CNBP: variants seen among roughly 807,000 people sequenced by gnomAD.
CNBP encodes the protein cellular nucleic acid-binding protein.
Under a neutral mutation model 21.2 loss-of-function variants are expected in CNBP, and 6 were observed. The ratio of observed to expected loss-of-function variants is 0.28; its 90% CI spans 0.16 to 0.56. The LOEUF is 0.56. Among genes scored for constraint, CNBP ranks in the 20% least tolerant of loss-of-function variants. The pLI is 0.93. For missense variants in CNBP, 112 were observed against 233.1 expected, an observed-to-expected ratio of 0.48 and a Z score of 3.38; for synonymous variants, 61 against 74.9, an observed-to-expected ratio of 0.81 and a Z score of 0.96.
At chr3:129,170,925 C>T (rs1281515940) in intron 4 of CNBP, among the ~76,000 whole-genome samples, 154 bp downstream of exon 4, 2 of 151,750 alleles carry the variant, frequency 1.3e-5, no homozygotes, top group African/African-American at 4.9e-5. Flanking sequence ...GAATTATATA[C>T]AGATAGACTG....
rs549305009 is a variant in CNBP, at chr3:129,176,229, G to T, written c.-14-4458C>A. 4.6e-5 allele frequency among the ~76,000 whole-genome samples: 7 copies of T among 152,258 alleles called. No individual in the cohort carries two copies. In the East Asian group the frequency reaches 1.4e-3, roughly 29 times the overall value. On this transcript the variant is annotated intron_variant, in intron 1 of 4. Transcript: ENST00000422453. ...GACTGCTCCTGGCTGGAATTTCACTGCACTGTCCTGGTCTCCCCTGCTCCT... is the reference window on the plus strand; with the variant it reads ...GACTGCTCCTGGCTGGAATTTCACTTCACTGTCCTGGTCTCCCCTGCTCCT...
intron 1 of CNBP, among the ~76,000 whole-genome samples, chr3:129,173,573 TC>T (rs935095187): frequency 6.6e-6 from 1 of 152,202 alleles, no homozygotes; most frequent in African/African-American, 2.4e-5. Flanking sequence ...TAATTGGTTA[TC>T]ATTTTAAAAT....
intron 1 of CNBP, among the ~76,000 whole-genome samples, chr3:129,181,239 C>CA (rs10587328): frequency 1.9e-4 from 10 of 53,176 alleles, no homozygotes; most frequent in African/African-American, 6.7e-4. Context: ...GACTCTGTCT[C>CA]AAAAAAAAAA....
rs77012344 is a variant in CNBP at position 129,171,040 on chromosome 3, T to C, written c.416+39A>G. 5.3e-5 allele frequency: 84 copies of C among 1,570,974 alleles called. No individual in the cohort carries two copies. In the East Asian group the frequency reaches 1.9e-3, roughly 35 times the overall value. On this transcript the variant is annotated intron_variant, in intron 4 of 4. Coordinates refer to ENST00000422453, the MANE Select transcript of CNBP (RefSeq NM_003418.5). Reference sequence around the variant, plus strand: ...GCTAATTCATCTCTGGAAGAATCTCTGCAATGAGTTTTCTTCTAACAACAT... The same window carrying C: ...GCTAATTCATCTCTGGAAGAATCTCCGCAATGAGTTTTCTTCTAACAACAT...
Position 129,169,233 on chromosome 3 carries a change from G to A in CNBP, c.*1220C>T, listed in dbSNP as rs1937526230. ...TGCTTGAACCCGGGAGGTGGAGGTT[G>A]CAGTGAGCCAAGCCTGCACTCCAGC... On this transcript the variant is annotated 3_prime_UTR_variant, in exon 5 of 5. Coordinates refer to ENST00000422453, the MANE Select transcript of CNBP (RefSeq NM_003418.5). 6.6e-6 allele frequency among the ~76,000 whole-genome samples: 1 copy of A among 152,136 alleles called. No individual in the cohort carries two copies. The highest frequency in any genetic ancestry group is 2.4e-5 in the African/African-American group (1 of 41,430).
intron 1 of CNBP, among the ~76,000 whole-genome samples, chr3:129,179,302 A>G (rs905049258): frequency 2.6e-5 from 4 of 152,142 alleles, no homozygotes; most frequent in African/African-American, 9.7e-5. Flanking sequence ...AGAAAAAAAA[A>G]GCAATGAAAG....
chr3:129,171,321 T>C (rs374618375), intron 3 of CNBP, 44 bp from the exon 4 acceptor site: 1 of 1,609,356 alleles, frequency 6.2e-7, no homozygotes. Flanking sequence ...TATAAAACCT[T>C]TACAAAGTGT....
rs1576905977 is a variant in CNBP, at chr3:129,169,552, C to G, written c.*901G>C. ...TATATACATTAATGAAAATTTGAAA[C>G]AAACAAAAAGAACTTTAGTCAAACT... On this transcript the variant is annotated 3_prime_UTR_variant, in exon 5 of 5. Coordinates refer to ENST00000422453, the MANE Select transcript of CNBP (RefSeq NM_003418.5). The G allele has an allele frequency of 4.9e-6, 1 of 205,640 alleles. No homozygotes were observed. Among genetic ancestry groups the G allele is most frequent in the East Asian group, 7.5e-5 (1 of 13,350 alleles). The allele number at this position is 205,640 out of a possible 1,614,324, so 12.7% of individuals were successfully genotyped here.
At position 129,169,010 on chromosome 3, in the gene CNBP, G is replaced by A. The variant is rs1410192078; in HGVS notation, c.*1443C>T. 1.3e-5 allele frequency among the ~76,000 whole-genome samples: 2 copies of A among 151,896 alleles called. No homozygotes were observed. The highest frequency in any genetic ancestry group is 2.9e-5 in the Non-Finnish European group (2 of 67,988). On this transcript the variant is annotated 3_prime_UTR_variant, in exon 5 of 5. Coordinates refer to ENST00000422453, the MANE Select transcript of CNBP (RefSeq NM_003418.5). ...CCAGCTACTCAGGAGGCTGAGGCAGGAGAATGGCACGAACCCAGGAGGCGG... is the reference window on the plus strand; with the variant it reads ...CCAGCTACTCAGGAGGCTGAGGCAGAAGAATGGCACGAACCCAGGAGGCGG...
chr3:129,175,344 A>G (rs1005525951), intron 1 of CNBP, among the ~76,000 whole-genome samples: 4 of 152,182 alleles, frequency 2.6e-5, no homozygotes, highest in Middle Eastern at 3.4e-3. Flanking sequence ...AAGAAAGAAA[A>G]AAAACTATTC....
chr3:129,179,228 G>A (rs899621847), intron 1 of CNBP, among the ~76,000 whole-genome samples: 1 of 151,930 alleles, frequency 6.6e-6, no homozygotes, highest in Admixed American at 6.6e-5. Flanking sequence ...GGTGAGCCGA[G>A]ATCATGCCAT....
chr3:129,179,176 C>T (rs1180680668), intron 1 of CNBP, among the ~76,000 whole-genome samples: 2 of 152,088 alleles, frequency 1.3e-5, no homozygotes, highest in East Asian at 3.9e-4. Context: ...ACTCAGGAGG[C>T]TGAGGCAGGA....
chr3:129,173,466 GTGTTT>G (rs1177021056), intron 1 of CNBP, among the ~76,000 whole-genome samples: 12 of 152,044 alleles, frequency 7.9e-5, no homozygotes, highest in African/African-American at 2.7e-4. Context: ...GGCAACATTT[GTGTTT>G]TGTTTTCTTT....
Position 129,171,501 on chromosome 3 carries a change from A to G in CNBP, c.162T>C (p.Cys54=), listed in dbSNP as rs762582749. 5.0e-6 allele frequency: 8 copies of G among 1,614,150 alleles called. No homozygotes were observed. The highest frequency in any genetic ancestry group is 6.8e-6 in the Non-Finnish European group (8 of 1,179,956). ...QFVSSSLPDI[C]YRCGESGHLA... is the part of the protein sequence containing the mutation. Reference sequence around the variant, plus strand: ...GATGACCAGACTCACCACAGCGATAACAAATGTCTGGAAGAGACGAGGAAA... The same window carrying G: ...GATGACCAGACTCACCACAGCGATAGCAAATGTCTGGAAGAGACGAGGAAA... Residue 54 remains cysteine (C), a synonymous_variant, in exon 3 of 5, where the codon TGT becomes TGC. Transcript: ENST00000422453.
chr3:129,181,649 C>CAAAAAAAAAAAAAAA (rs1367375702), intron 1 of CNBP, among the ~76,000 whole-genome samples: 25,224 of 72,030 alleles, frequency 0.35, 10,460 homozygotes, highest in East Asian at 0.56. Flanking sequence ...GACTCCGTCT[C>CAAAAAAAAAAAAAAA]AGAAAAAAAA....
chr3:129,180,632 G>A (rs888226242), intron 1 of CNBP, among the ~76,000 whole-genome samples: 1 of 152,214 alleles, frequency 6.6e-6, no homozygotes. Flanking sequence ...GACACTGCCA[G>A]AACAGGAGTT....
intron 1 of CNBP, among the ~76,000 whole-genome samples, chr3:129,172,607 GACA>G (rs1560034577): frequency 4.8e-3 from 139 of 28,992 alleles, no homozygotes; most frequent in Admixed American, 9.6e-3. Flanking sequence ...CAGGCAGGCA[GACA>G]GGCAGACAGG....
At chr3:129,181,649 CAGAAAA>C in intron 1 of CNBP, among the ~76,000 whole-genome samples, 1 of 72,214 alleles carries the variant, frequency 1.4e-5, no homozygotes, top group East Asian at 4.4e-4. Context: ...GACTCCGTCT[CAGAAAA>C]AAAAAAAGAA....
rs1236917971 is a variant in CNBP, at chr3:129,169,792, C to T, written c.*661G>A. ...AGCTCCAAATTATGCTAACTCTGAG[C>T]ATTGATGTTTACTCTGGGTTTTAGA... On this transcript the variant is annotated 3_prime_UTR_variant, in exon 5 of 5. Transcript: ENST00000422453. The T allele has an allele frequency of 1.8e-5, 4 of 223,292 alleles. No individual in the cohort carries two copies. The highest frequency in any genetic ancestry group is 1.7e-4 in the Admixed American group (3 of 17,412). 13.8% of individuals were successfully genotyped at this position (223,292 alleles called of 1,614,324 possible).
Sources: gnomAD v4.1 joint callset for allele counts (sites outside exome capture counted in the v4.1 genomes callset) on GRCh38, gnomAD v4.1.1 for gene constraint, MANE v1.5 for transcripts, NCBI Gene and HGNC (gene_info 2026-07-23, HGNC 2026-07-21) for gene names.